Variants in RTN4IP1 observed in about 807,000 individuals in gnomAD.
The protein encoded by RTN4IP1 is reticulon 4 interacting protein 1, also known as NAD(P)H oxidoreductase RTN4IP1, mitochondrial.
RTN4IP1 carries 32 observed loss-of-function variants against 46.6 expected under a neutral mutation model. The ratio of observed to expected loss-of-function variants is 0.69; its 90% CI spans 0.52 to 0.92. RTN4IP1 has a LOEUF of 0.92. Ranked by LOEUF, RTN4IP1 falls within the 40% of genes least tolerant of loss-of-function variation. RTN4IP1 has a pLI of 0.00. For missense variants in RTN4IP1, 424 were observed against 485.8 expected (o/e 0.87, Z 1.20); for synonymous variants, 167 against 161.8 (o/e 1.03, Z -0.24).
intron 5 of RTN4IP1, among the ~76,000 whole-genome samples, chr6:106,601,510 T>C (rs1364045333): frequency 6.6e-6 from 1 of 152,196 alleles, no homozygotes; most frequent in Non-Finnish European, 1.5e-5. Context: ...TGTCTTATGT[T>C]TCCTTCCAAG....
chr6:106,591,983 G>A (rs1011064354), intron 6 of RTN4IP1, among the ~76,000 whole-genome samples, 181 bp downstream of exon 6: 1 of 152,044 alleles, frequency 6.6e-6, no homozygotes, highest in Non-Finnish European at 1.5e-5. Flanking sequence ...CTGTTACTGT[G>A]TTGTATTAAC....
intron 8 of RTN4IP1, among the ~76,000 whole-genome samples, chr6:106,577,376 A>G (rs1775254447): frequency 7.5e-6 from 1 of 133,364 alleles, no homozygotes. Context: ...TCAGCCCAGG[A>G]GGTCAAGGCT....
chr6:106,575,555 C>A (rs558028075), intron 8 of RTN4IP1, among the ~76,000 whole-genome samples: 1 of 152,300 alleles, frequency 6.6e-6, no homozygotes, highest in African/African-American at 2.4e-5. Flanking sequence ...CTTCGGAAGA[C>A]GGTACAGAAA....
intron 3 of RTN4IP1, 72 bp downstream of exon 3, chr6:106,621,353 A>C: frequency 8.8e-7 from 1 of 1,137,612 alleles, no homozygotes; most frequent in Non-Finnish European, 1.3e-6. Context: ...TCTGAAAAAC[A>C]CCAGTTATTT....
intron 8 of RTN4IP1, among the ~76,000 whole-genome samples, chr6:106,580,501 C>T (rs11759221): frequency 0.24 from 36,548 of 151,852 alleles, 4,795 homozygotes; most frequent in East Asian, 0.33. Flanking sequence ...GGTGGATCAT[C>T]TGAGGTCAGG....
intron 5 of RTN4IP1, 30 bp downstream of exon 5, chr6:106,602,844 C>G: frequency 1.3e-6 from 2 of 1,485,878 alleles, no homozygotes; most frequent in Non-Finnish European, 1.8e-6. Context: ...ACAAAATCCT[C>G]CTATTCACAA....
At chr6:106,604,022 C>T (rs182905428) in intron 4 of RTN4IP1, among the ~76,000 whole-genome samples, 2 of 152,198 alleles carry the variant, frequency 1.3e-5, no homozygotes, top group Non-Finnish European at 2.9e-5. Flanking sequence ...AGTATCTGTC[C>T]TATTTAACAT....
At position 106,587,872 on chromosome 6, in the gene RTN4IP1, A is replaced by G; in HGVS notation, c.807-10T>C. 6.2e-7 allele frequency: 1 copy of G among 1,605,580 alleles called. No homozygotes were observed. The highest frequency in any genetic ancestry group is 8.5e-7 in the Non-Finnish European group (1 of 1,175,388). The stretch of plus-strand genomic sequence containing the variant: ...AAGGATAAAATCAAATCTGGAGAGG[A>G]AGAACCAAATCAAAACATGGTTGTC... On this transcript the variant is annotated splice_polypyrimidine_tract_variant and intron_variant, in intron 6 of 8. Coordinates refer to ENST00000369063, the MANE Select transcript of RTN4IP1 (RefSeq NM_032730.5).
intron 4 of RTN4IP1, chr6:106,607,568 C>G (rs534020091): frequency 6.6e-6 from 1 of 152,184 alleles, no homozygotes; most frequent in Admixed American, 6.5e-5. Flanking sequence ...TGCAAAGGAT[C>G]TGAACAGACA....
chr6:106,615,621 C>T (rs551415769), intron 4 of RTN4IP1, among the ~76,000 whole-genome samples: 34 of 151,504 alleles, frequency 2.2e-4, no homozygotes, highest in Non-Finnish European at 3.4e-4. Flanking sequence ...ACTACAGGCA[C>T]GCAACACTAC....
chr6:106,582,495 G>A lies in RTN4IP1; in HGVS notation c.1083+833C>T, dbSNP rs139589603. Among the ~76,000 whole-genome samples the A allele has an allele frequency of 1.7e-3, 257 of 152,336 alleles. 1 individual carries two copies. Among genetic ancestry groups the A allele is most frequent in the African/African-American group, 5.9e-3 (246 of 41,574 alleles). On this transcript the variant is annotated intron_variant, in intron 8 of 8. Transcript: ENST00000369063. ...GTTCCATTTCTGCAAGTTTGAGCAT[G>A]CCCCTTTTTCTTGGCAAGTTGGCTT...
At chr6:106,629,777 C>G, upstream of RTN4IP1, 3 of 1,547,492 alleles carry the variant, frequency 1.9e-6, no homozygotes, top group Non-Finnish European at 2.6e-6. Context: ...CAAAGAGTCC[C>G]TGGGCCTTAC....
intron 3 of RTN4IP1, among the ~76,000 whole-genome samples, chr6:106,620,760 G>T (rs1776466771): frequency 6.6e-6 from 1 of 151,976 alleles, no homozygotes; most frequent in Non-Finnish European, 1.5e-5. Context: ...ATGTTATGTA[G>T]GCTACATTAT....
At chr6:106,614,531 T>C (rs1450585522) in intron 4 of RTN4IP1, among the ~76,000 whole-genome samples, 1 of 151,784 alleles carries the variant, frequency 6.6e-6, no homozygotes, top group African/African-American at 2.4e-5. Flanking sequence ...AAAGGAAGAA[T>C]AGAGTGGAAT....
chr6:106,622,830 C>T lies in RTN4IP1; in HGVS notation c.414G>A (p.Lys138=). ...TTCCCTAACTCACCTCATCTCCAGGCTTGAAGTATTTCACATCAAGCCCAC... is the reference window on the plus strand; with the variant it reads ...TTCCCTAACTCACCTCATCTCCAGGTTTGAAGTATTTCACATCAAGCCCAC... The part of the protein sequence containing the change: ...MECGLDVKYF[K]PGDEVWAAVP... The change falls in exon 2 of 9, where the codon AAG becomes AAA. Residue 138 remains lysine (K), a synonymous_variant. Transcript: ENST00000369063. 1 of 1,613,200 alleles carries T rather than the reference C, an allele frequency of 6.2e-7. No individual in the cohort carries two copies. The highest frequency in any genetic ancestry group is 8.5e-7 in the Non-Finnish European group (1 of 1,179,552).
At chr6:106,629,781 G>A (rs2114692562), upstream of RTN4IP1, 3 of 1,537,288 alleles carry the variant, frequency 2.0e-6, no homozygotes, top group East Asian at 2.4e-5. Context: ...GAGTCCCTGG[G>A]CCTTACCACG....
chr6:106,575,288 G>T (rs1362854755), intron 8 of RTN4IP1, among the ~76,000 whole-genome samples: 1 of 152,194 alleles, frequency 6.6e-6, no homozygotes, highest in African/African-American at 2.4e-5. Context: ...GCCGGCCAGG[G>T]ACGCTCACAG....
chr6:106,614,661 G>A (rs1405501760), intron 4 of RTN4IP1, among the ~76,000 whole-genome samples: 1 of 152,118 alleles, frequency 6.6e-6, no homozygotes, highest in South Asian at 2.1e-4. Flanking sequence ...GAAACCATAC[G>A]AAAAGTAAGT....
intron 7 of RTN4IP1, among the ~76,000 whole-genome samples, chr6:106,584,840 C>T (rs1237024049): frequency 6.6e-6 from 1 of 152,242 alleles, no homozygotes; most frequent in African/African-American, 2.4e-5. Flanking sequence ...GCCAGGATGG[C>T]TTACTGGGTG....
Sources: gnomAD v4.1 joint callset for allele counts (sites outside exome capture counted in the v4.1 genomes callset) on GRCh38, gnomAD v4.1.1 for gene constraint, MANE v1.5 for transcripts, NCBI Gene and HGNC (gene_info 2026-07-23, HGNC 2026-07-21) for gene names.